Variants in GRIK4 observed in about 807,000 individuals in gnomAD.
GRIK4 encodes glutamate ionotropic receptor kainate type subunit 4, also known as glutamate receptor ionotropic, kainate 4.
A neutral mutation model predicts 104.9 loss-of-function variants in GRIK4; 40 were observed. The ratio of observed to expected loss-of-function variants is 0.38; its 90% CI spans 0.30 to 0.50. The LOEUF is 0.50. Among genes scored for constraint, GRIK4 ranks in the 20% least tolerant of loss-of-function variants. The pLI is 0.93. For synonymous variants in GRIK4, 485 were observed against 524.9 expected, an observed-to-expected ratio of 0.92 and a Z score of 1.04; for missense variants, 1,047 against 1,308.1, an observed-to-expected ratio of 0.80 and a Z score of 3.08.
chr11:120,579,859 A>C (rs1948545115), intron 1 of GRIK4, among the ~76,000 whole-genome samples: 1 of 152,206 alleles, frequency 6.6e-6, no homozygotes, highest in Non-Finnish European at 1.5e-5. Flanking sequence ...GATATGGAAC[A>C]TCTCCGTCAC....
At chr11:120,654,841 T>C (rs1325548087) in intron 2 of GRIK4, among the ~76,000 whole-genome samples, 1 of 152,176 alleles carries the variant, frequency 6.6e-6, no homozygotes, top group Admixed American at 6.5e-5. Flanking sequence ...AGTGTAGGAC[T>C]CAGCCCCATG....
chr11:120,794,644 G>A (rs994139352), intron 3 of GRIK4, among the ~76,000 whole-genome samples: 1 of 152,120 alleles, frequency 6.6e-6, no homozygotes, highest in Non-Finnish European at 1.5e-5. Context: ...AAGGAGAGAG[G>A]TCTTGGAGGA....
intron 3 of GRIK4, among the ~76,000 whole-genome samples, chr11:120,722,505 G>T (rs1321357667): frequency 6.6e-6 from 1 of 152,112 alleles, no homozygotes; most frequent in Non-Finnish European, 1.5e-5. Flanking sequence ...CTACTTGGGA[G>T]GCTGAGGCAG....
At chr11:120,756,449 G>A (rs1266833793) in intron 3 of GRIK4, among the ~76,000 whole-genome samples, 1 of 152,178 alleles carries the variant, frequency 6.6e-6, no homozygotes, top group Non-Finnish European at 1.5e-5. Context: ...AAACTGGGCT[G>A]CCTTAAAAGC....
At chr11:120,563,862 G>T (rs896113881) in intron 1 of GRIK4, among the ~76,000 whole-genome samples, 112 of 152,184 alleles carry the variant, frequency 7.4e-4, no homozygotes, top group Admixed American at 1.6e-3. Context: ...CCACACCTGG[G>T]GTCGGTTGTG....
intron 1 of GRIK4, among the ~76,000 whole-genome samples, chr11:120,613,767 C>T (rs1949069230): frequency 6.6e-6 from 1 of 152,278 alleles, no homozygotes; most frequent in East Asian, 1.9e-4. Context: ...CTGTGTGGTC[C>T]AAGGGAAGGA....
intron 3 of GRIK4, among the ~76,000 whole-genome samples, chr11:120,713,887 G>A (rs1026476296): frequency 6.6e-6 from 1 of 152,216 alleles, no homozygotes; most frequent in African/African-American, 2.4e-5. Flanking sequence ...TGAGTCGAGA[G>A]TGGATTTGCT....
chr11:120,603,701 G>A (rs1000215888), intron 1 of GRIK4, among the ~76,000 whole-genome samples: 1 of 152,208 alleles, frequency 6.6e-6, no homozygotes, highest in African/African-American at 2.4e-5. Flanking sequence ...GCCTTCAAGC[G>A]TCATACCCCT....
intron 13 of GRIK4, among the ~76,000 whole-genome samples, chr11:120,921,059 C>A (rs79663321): frequency 0.019 from 2,942 of 152,300 alleles, 80 homozygotes; most frequent in African/African-American, 0.068. Flanking sequence ...TTCATTATCT[C>A]TGTCTAAGCC....
At chr11:120,603,988 G>A (rs1158931560) in intron 1 of GRIK4, among the ~76,000 whole-genome samples, 2 of 151,822 alleles carry the variant, frequency 1.3e-5, no homozygotes, top group African/African-American at 4.8e-5. Context: ...GGCTAACACG[G>A]TGAAACCCCG....
rs1045785179 is a variant in GRIK4 at position 120,641,035 on chromosome 11, G to A, written c.-158-12650G>A. Among the ~76,000 whole-genome samples, 5 of 152,194 alleles carry A rather than the reference G, an allele frequency of 3.3e-5. No individual in the cohort carries two copies. In the South Asian group the frequency reaches 6.2e-4, roughly 19 times the overall value. On this transcript the variant is annotated intron_variant, in intron 1 of 20. Transcript: ENST00000527524. Reference sequence around the variant, plus strand: ...CCCAGAAATGCTAAACCTTTTTAACGATGGTGCAACTTTGTCCTTGGCTTG... The same window carrying A: ...CCCAGAAATGCTAAACCTTTTTAACAATGGTGCAACTTTGTCCTTGGCTTG...
chr11:120,660,254 C>A lies in GRIK4; in HGVS notation c.-50-15C>A. 8.4e-7 allele frequency: 1 copy of A among 1,194,968 alleles called. No individual in the cohort carries two copies. Among genetic ancestry groups the A allele is most frequent in the Non-Finnish European group, 1.2e-6 (1 of 806,558 alleles). 74.0% of individuals were successfully genotyped at this position (1,194,968 alleles called of 1,614,324 possible). ...GAGCCTGGGACTCACGTGCCCCCAA[C>A]CCCCTCTCTCGCAGAGTTATGTCAT... On this transcript the variant is annotated splice_polypyrimidine_tract_variant and intron_variant, in intron 2 of 20. Transcript: ENST00000527524.
At chr11:120,936,031 G>A (rs537077721) in intron 13 of GRIK4, 3 of 203,344 alleles carry the variant, frequency 1.5e-5, no homozygotes, top group East Asian at 1.5e-4. Context: ...AACCAACTTC[G>A]TCATCATCAT....
chr11:120,526,214 T>C (rs1047252121), intron 1 of GRIK4, among the ~76,000 whole-genome samples: 2 of 152,098 alleles, frequency 1.3e-5, no homozygotes, highest in Non-Finnish European at 2.9e-5. Flanking sequence ...CTTTCTTTTT[T>C]TCCTTTGAGG....
intron 3 of GRIK4, among the ~76,000 whole-genome samples, chr11:120,793,601 T>C (rs995783825): frequency 6.6e-6 from 1 of 151,800 alleles, no homozygotes; most frequent in Non-Finnish European, 1.5e-5. Context: ...GGGTGATGGT[T>C]GGAGGTGAAG....
intron 1 of GRIK4, among the ~76,000 whole-genome samples, chr11:120,565,595 T>C (rs1031332669): frequency 2.0e-5 from 3 of 152,120 alleles, no homozygotes; most frequent in Non-Finnish European, 4.4e-5. Context: ...TCCAATATTG[T>C]ACGAGGTACA....
intron 3 of GRIK4, among the ~76,000 whole-genome samples, chr11:120,713,899 C>T (rs371361129): frequency 1.7e-4 from 26 of 152,146 alleles, no homozygotes; most frequent in Admixed American, 5.2e-4. Flanking sequence ...GGATTTGCTG[C>T]GGACTCAAAG....
At chr11:120,832,995 G>A (rs75659280) in intron 7 of GRIK4, among the ~76,000 whole-genome samples, 2,169 of 152,172 alleles carry the variant, frequency 0.014, 52 homozygotes, top group African/African-American at 0.049. Flanking sequence ...ACAACCTGCC[G>A]TCTTCCACTG....
At chr11:120,643,885 C>G (rs1323979903) in intron 1 of GRIK4, among the ~76,000 whole-genome samples, 1 of 152,156 alleles carries the variant, frequency 6.6e-6, no homozygotes, top group African/African-American at 2.4e-5. Flanking sequence ...CCTCAGTTTC[C>G]TCTTTCAGAA....
Sources: gnomAD v4.1 joint callset for allele counts (sites outside exome capture counted in the v4.1 genomes callset) on GRCh38, gnomAD v4.1.1 for gene constraint, MANE v1.5 for transcripts, NCBI Gene and HGNC (gene_info 2026-07-23, HGNC 2026-07-21) for gene names.